Variants in LMBR1 observed in about 807,000 individuals in gnomAD.
LMBR1 encodes limb development membrane protein 1.
Under a neutral mutation model 73.9 loss-of-function variants are expected in LMBR1, and 52 were observed. The observed-to-expected ratio is 0.70, with a 90% CI of 0.56 to 0.89. The LOEUF (loss-of-function observed/expected upper bound fraction) is 0.89, where lower values mean the gene tolerates loss of function less well. Ranked by LOEUF, LMBR1 falls within the 40% of genes least tolerant of loss-of-function variation. The probability of loss-of-function intolerance (pLI) is 0.00; values close to 1 mark genes in which losing one functional copy is unlikely to be tolerated. For synonymous variants in LMBR1, 215 were observed against 209.4 expected, an observed-to-expected ratio of 1.03 and a Z score of -0.23; for missense variants, 539 against 579.8, an observed-to-expected ratio of 0.93 and a Z score of 0.72.
At chr7:156,736,322 G>A (rs575872842) in intron 9 of LMBR1, among the ~76,000 whole-genome samples, 1 of 152,282 alleles carries the variant, frequency 6.6e-6, no homozygotes, top group South Asian at 2.1e-4. Context: ...TTCTTTAACA[G>A]TCAAATTCAG....
At chr7:156,774,483 C>T (rs182582111) in intron 5 of LMBR1, among the ~76,000 whole-genome samples, 1 of 152,268 alleles carries the variant, frequency 6.6e-6, no homozygotes, top group Non-Finnish European at 1.5e-5. Flanking sequence ...CAAGGGCAGA[C>T]TGAATGAAGA....
At chr7:156,815,465 CT>C (rs1482665342) in intron 4 of LMBR1, among the ~76,000 whole-genome samples, 3 of 152,130 alleles carry the variant, frequency 2.0e-5, no homozygotes, top group Non-Finnish European at 2.9e-5. Flanking sequence ...ATTTTTTTGT[CT>C]GGATATTCTA....
At chr7:156,763,011 C>T (rs957578092) in intron 7 of LMBR1, 97 bp downstream of exon 7, 11 of 655,020 alleles carry the variant, frequency 1.7e-5, no homozygotes, top group Non-Finnish European at 2.9e-5. Flanking sequence ...AAAAAAAATC[C>T]AAATAGTTAA....
At chr7:156,874,091 G>A (rs923621673) in intron 1 of LMBR1, among the ~76,000 whole-genome samples, 1 of 152,258 alleles carries the variant, frequency 6.6e-6, no homozygotes, top group Non-Finnish European at 1.5e-5. Context: ...CCGCACAGGA[G>A]CCCATGGAGT....
At chr7:156,754,993 T>C (rs1025289452) in intron 9 of LMBR1, among the ~76,000 whole-genome samples, 3 of 152,220 alleles carry the variant, frequency 2.0e-5, no homozygotes, top group East Asian at 3.8e-4. Flanking sequence ...AGAGTTTCAC[T>C]GAAAAGATTT....
At chr7:156,738,162 G>C (rs541478240) in intron 9 of LMBR1, among the ~76,000 whole-genome samples, 1 of 152,154 alleles carries the variant, frequency 6.6e-6, no homozygotes, top group Non-Finnish European at 1.5e-5. Context: ...GAGAGAATCT[G>C]TGTACTTGGG....
intron 10 of LMBR1, 98 bp downstream of exon 10, chr7:156,734,079 T>C: frequency 1.5e-6 from 1 of 685,194 alleles, no homozygotes; most frequent in Non-Finnish European, 2.3e-6. Context: ...AGTTTTAACA[T>C]AAAGATTTCA....
At chr7:156,854,214 A>C (rs1251980778) in intron 1 of LMBR1, among the ~76,000 whole-genome samples, 1 of 152,208 alleles carries the variant, frequency 6.6e-6, no homozygotes, top group Non-Finnish European at 1.5e-5. Context: ...CTGCTCTAAA[A>C]AGTGGAGAGA....
At chr7:156,839,565 G>C (rs1838276152) in intron 1 of LMBR1, among the ~76,000 whole-genome samples, 1 of 152,152 alleles carries the variant, frequency 6.6e-6, no homozygotes, top group East Asian at 1.9e-4. Context: ...ATGAAGTCTA[G>C]AGAATATCCC....
intron 1 of LMBR1, among the ~76,000 whole-genome samples, chr7:156,841,625 C>T (rs1586166712): frequency 6.6e-6 from 1 of 152,088 alleles, no homozygotes; most frequent in African/African-American, 2.4e-5. Flanking sequence ...ATGGAATCAT[C>T]GACAGTGTCA....
chr7:156,722,188 C>T (rs1814740893), intron 15 of LMBR1, among the ~76,000 whole-genome samples: 1 of 152,066 alleles, frequency 6.6e-6, no homozygotes, highest in African/African-American at 2.4e-5. Context: ...TGGCTGATTT[C>T]ACAGGAGCAA....
chr7:156,892,694 G>C, intron 1 of LMBR1: 1 of 332,102 alleles, frequency 3.0e-6, no homozygotes, highest in Non-Finnish European at 5.3e-6. Context: ...AGGCAAGAGC[G>C]GAGCGGGGGG....
chr7:156,756,030 A>G (rs960169171), intron 9 of LMBR1, among the ~76,000 whole-genome samples: 6 of 152,234 alleles, frequency 3.9e-5, no homozygotes, highest in African/African-American at 1.4e-4. Flanking sequence ...ATTTACCTAT[A>G]CTATCTGTTA....
intron 4 of LMBR1, among the ~76,000 whole-genome samples, chr7:156,797,779 A>C (rs1377024447): frequency 6.6e-6 from 1 of 152,236 alleles, no homozygotes; most frequent in Non-Finnish European, 1.5e-5. Flanking sequence ...ATATAATAAA[A>C]TCAACTCACA....
intron 1 of LMBR1, among the ~76,000 whole-genome samples, chr7:156,872,675 C>T (rs1345035224): frequency 6.6e-6 from 1 of 150,804 alleles, no homozygotes; most frequent in African/African-American, 2.4e-5. Flanking sequence ...TAAGAATAAA[C>T]TTAATTAAGG....
chr7:156,758,157 G>A (rs1262771537), intron 8 of LMBR1, among the ~76,000 whole-genome samples: 2 of 152,124 alleles, frequency 1.3e-5, no homozygotes, highest in African/African-American at 4.8e-5. Context: ...AGTGGTACAC[G>A]GAGAGGATCT....
chr7:156,820,942 C>T (rs1405171089), intron 4 of LMBR1, among the ~76,000 whole-genome samples: 2 of 152,220 alleles, frequency 1.3e-5, no homozygotes, highest in African/African-American at 4.8e-5. Context: ...TCAAGGTGAA[C>T]TGCAGCACAG....
chr7:156,731,941 T>A (rs1045143482), intron 10 of LMBR1, among the ~76,000 whole-genome samples: 1 of 150,394 alleles, frequency 6.6e-6, no homozygotes, highest in Non-Finnish European at 1.5e-5. Context: ...AAAAAACATA[T>A]ATACCAAGAG....
chr7:156,736,490 T>TA (rs1487241244), intron 9 of LMBR1: 9 of 456,654 alleles, frequency 2.0e-5, no homozygotes, highest in Non-Finnish European at 3.5e-5. Flanking sequence ...GTCAAACACA[T>TA]ACGTGGGTTT....
Sources: gnomAD v4.1 joint callset for allele counts (sites outside exome capture counted in the v4.1 genomes callset) on GRCh38, gnomAD v4.1.1 for gene constraint, MANE v1.5 for transcripts, NCBI Gene and HGNC (gene_info 2026-07-23, HGNC 2026-07-21) for gene names.